Variants in UNC13A observed in about 807,000 individuals in gnomAD.
UNC13A encodes protein unc-13 homolog A.
Under a neutral mutation model 219.7 loss-of-function variants are expected in UNC13A, and 61 were observed. The ratio of observed to expected loss-of-function variants is 0.28; its 90% CI spans 0.23 to 0.34. The LOEUF is 0.34. Ranked by LOEUF, UNC13A falls within the 10% of genes least tolerant of loss-of-function variation. The pLI, the probability that UNC13A is intolerant of heterozygous loss-of-function variation, is 1.00. For missense variants in UNC13A, 1,476 were observed against 2,270.3 expected, an observed-to-expected ratio of 0.65 and a Z score of 7.11; for synonymous variants, 920 against 884.6, an observed-to-expected ratio of 1.04 and a Z score of -0.71.
chr19:17,631,146 TCTTGTTTTCTCCCTCCCTC>T (rs1568512981), intron 28 of UNC13A, among the ~76,000 whole-genome samples: 26 of 91,728 alleles, frequency 2.8e-4, no homozygotes, highest in African/African-American at 4.3e-4. Context: ...TTCTCTGAGC[TCTTGTTTTCTCCCTCCCTC>T]CCTCCCTCCC....
At chr19:17,623,397 G>C in intron 36 of UNC13A, 145 bp downstream of exon 36, 4 of 595,266 alleles carry the variant, frequency 6.7e-6, no homozygotes, top group Non-Finnish European at 5.7e-6. Flanking sequence ...GCCCCAGACA[G>C]ACACAGGCAC....
intron 1 of UNC13A, chr19:17,676,269 C>T (rs1174399149): frequency 3.0e-6 from 2 of 661,858 alleles, no homozygotes; most frequent in East Asian, 5.7e-5. Context: ...AAAGAGGAGG[C>T]AGGGATGAGA....
chr19:17,606,443 G>A, intron 43 of UNC13A, 89 bp from the exon 44 acceptor site: 6 of 1,475,838 alleles, frequency 4.1e-6, no homozygotes, highest in Non-Finnish European at 2.7e-6. Context: ...TGCGGGCCAC[G>A]CCCACACCGG....
At chr19:17,652,019 A>C (rs2079357777) in intron 12 of UNC13A, among the ~76,000 whole-genome samples, 2 of 152,218 alleles carry the variant, frequency 1.3e-5, no homozygotes, top group Admixed American at 1.3e-4. Context: ...GAGATTTAAA[A>C]ATAGAATCAA....
chr19:17,611,918 C>G (rs547451516), intron 41 of UNC13A, 63 bp from the exon 42 acceptor site: 15 of 1,424,526 alleles, frequency 1.1e-5, no homozygotes, highest in Non-Finnish European at 1.5e-5. Context: ...CCAGGAGGGA[C>G]CTTGACGGCC....
At chr19:17,661,587 G>C (rs12983096) in intron 8 of UNC13A, among the ~76,000 whole-genome samples, 1 of 151,886 alleles carries the variant, frequency 6.6e-6, no homozygotes, top group Non-Finnish European at 1.5e-5. Flanking sequence ...CCAACTACTC[G>C]GGAGGCTGAG....
chr19:17,637,510 G>A (rs1256424355), intron 25 of UNC13A, among the ~76,000 whole-genome samples: 3 of 151,784 alleles, frequency 2.0e-5, no homozygotes, highest in Non-Finnish European at 4.4e-5. Flanking sequence ...GTGTTAGCCA[G>A]GATGGTCTCG....
intron 8 of UNC13A, among the ~76,000 whole-genome samples, 169 bp from the exon 9 acceptor site, chr19:17,658,438 G>A (rs958290511): frequency 2.6e-5 from 4 of 152,170 alleles, no homozygotes; most frequent in Non-Finnish European, 2.9e-5. Flanking sequence ...TTCAGAACAA[G>A]GGAGGTGAAA....
rs202221233 is a variant in UNC13A, at chr19:17,653,193, G to GT, written c.1393-517dup. On this transcript the variant is annotated intron_variant, in intron 11 of 43. Transcript: ENST00000519716. ...TTCTGAAATATTGAGGGGGTGTTTG[G>GT]TTTTTTTTTAAAGACAGGGTCTTGC... Among the ~76,000 whole-genome samples the GT allele has an allele frequency of 9.9e-5, 15 of 150,904 alleles. No homozygotes were observed. The East Asian group carries it at 1.6e-3, about 16-fold the overall frequency.
chr19:17,667,776 A>ATTTTT (rs34197880), intron 6 of UNC13A, among the ~76,000 whole-genome samples: 2 of 108,058 alleles, frequency 1.9e-5, no homozygotes, highest in Non-Finnish European at 3.6e-5. Flanking sequence ...AGCCTGGCTA[A>ATTTTT]TTTTTTTTTT....
intron 42 of UNC13A, among the ~76,000 whole-genome samples, chr19:17,611,030 C>T (rs1023557683): frequency 2.6e-5 from 4 of 151,958 alleles, no homozygotes; most frequent in African/African-American, 9.7e-5. Flanking sequence ...GAGACTCTGG[C>T]CTCTAAAACA....
chr19:17,658,390 GATAAAGA>G (rs2079498722), intron 8 of UNC13A, 121 bp from the exon 9 acceptor site: 1 of 918,096 alleles, frequency 1.1e-6, no homozygotes, highest in Admixed American at 2.1e-5. Flanking sequence ...TACTAGTATG[GATAAAGA>G]ATTGTGGGTC....
At chr19:17,650,649 T>C (rs963710751) in intron 12 of UNC13A, among the ~76,000 whole-genome samples, 1 of 150,156 alleles carries the variant, frequency 6.7e-6, no homozygotes, top group African/African-American at 2.4e-5. Flanking sequence ...GGCTAATTTT[T>C]GTATTTTTAG....
intron 1 of UNC13A, among the ~76,000 whole-genome samples, chr19:17,686,295 C>T (rs955453927): frequency 5.7e-5 from 2 of 35,000 alleles, no homozygotes; most frequent in African/African-American, 2.2e-4. Flanking sequence ...GGGTGAGATC[C>T]CCGCCCCCCC....
At chr19:17,618,834 A>C (rs369009431) in intron 39 of UNC13A, 72 bp downstream of exon 39, 13 of 1,488,730 alleles carry the variant, frequency 8.7e-6, no homozygotes, top group African/African-American at 1.4e-5. Context: ...CTCCCCCAGG[A>C]TGGTGGCAAC....
At chr19:17,619,434 T>C (rs2076703870) in intron 38 of UNC13A, among the ~76,000 whole-genome samples, 1 of 109,530 alleles carries the variant, frequency 9.1e-6, no homozygotes, top group African/African-American at 4.2e-5. Context: ...CTGATTTTTC[T>C]TTTCTTTTTT....
At chr19:17,663,766 G>A (rs555639756) in intron 7 of UNC13A, among the ~76,000 whole-genome samples, 199 bp from the exon 8 acceptor site, 1 of 151,952 alleles carries the variant, frequency 6.6e-6, no homozygotes, top group African/African-American at 2.4e-5. Context: ...GGAGGAAGGT[G>A]GGATATCCCT....
chr19:17,628,529 C>T (rs62119955), intron 31 of UNC13A, among the ~76,000 whole-genome samples: 15,452 of 151,944 alleles, frequency 0.1, 870 homozygotes, highest in Middle Eastern at 0.14. Context: ...CACGGTCACA[C>T]ACACCCAGAC....
At chr19:17,658,322 A>G in intron 8 of UNC13A, 53 bp from the exon 9 acceptor site, 2 of 1,525,592 alleles carry the variant, frequency 1.3e-6, no homozygotes, top group Non-Finnish European at 1.8e-6. Context: ...AGTGCACATG[A>G]TGGGAGCCAA....
Sources: gnomAD v4.1 joint callset for allele counts (sites outside exome capture counted in the v4.1 genomes callset) on GRCh38, gnomAD v4.1.1 for gene constraint, MANE v1.5 for transcripts, NCBI Gene and HGNC (gene_info 2026-07-23, HGNC 2026-07-21) for gene names.